MSR1: variants seen among roughly 807,000 people sequenced by gnomAD.
The protein encoded by MSR1 is macrophage scavenger receptor types I and II.
MSR1 carries 53 observed loss-of-function variants against 47.2 expected under a neutral mutation model. The observed-to-expected ratio is 1.12, with a 90% CI of 0.90 to 1.41. MSR1 has a LOEUF of 1.41. MSR1 is among the 40% of genes most tolerant of loss of function. The probability of loss-of-function intolerance (pLI) is 0.00; values close to 1 mark genes in which losing one functional copy is unlikely to be tolerated. For synonymous variants in MSR1, 239 were observed against 185.6 expected (o/e 1.29, Z -2.34); for missense variants, 786 against 546.9 (o/e 1.44, Z -4.36).
chr8:16,139,535 A>G, intron 8 of MSR1: 1 of 984,538 alleles, frequency 1.0e-6, no homozygotes, highest in Non-Finnish European at 1.2e-6. Flanking sequence ...AAAGGAAAGA[A>G]GAGTTGTGAA....
At chr8:16,153,331 T>C (rs1321300817) in intron 6 of MSR1, among the ~76,000 whole-genome samples, 1 of 151,992 alleles carries the variant, frequency 6.6e-6, no homozygotes, top group Non-Finnish European at 1.5e-5. Context: ...CATCCAGAAA[T>C]AATTCATTAG....
intron 2 of MSR1, 90 bp downstream of exon 2, chr8:16,177,796 C>T (rs1801694555): frequency 2.0e-6 from 2 of 987,760 alleles, no homozygotes; most frequent in Non-Finnish European, 3.2e-6. Context: ...CATCCACTTA[C>T]ATTTAAGGTA....
At chr8:16,159,159 C>T (rs375944050) in intron 5 of MSR1, among the ~76,000 whole-genome samples, 4 of 151,516 alleles carry the variant, frequency 2.6e-5, no homozygotes, top group Admixed American at 6.6e-5. Flanking sequence ...AATTCAAATG[C>T]CCTCAGTTGC....
intron 9 of MSR1, among the ~76,000 whole-genome samples, chr8:16,119,915 T>C (rs78598946): frequency 0.042 from 6,160 of 145,610 alleles, 200 homozygotes; most frequent in Middle Eastern, 0.097. Context: ...AGGATCTTAC[T>C]ATGTTGTCCA....
chr8:16,144,557 ATAATAG>A (rs1313647874), intron 7 of MSR1, among the ~76,000 whole-genome samples: 1 of 152,160 alleles, frequency 6.6e-6, no homozygotes, highest in Non-Finnish European at 1.5e-5. Flanking sequence ...CTTCAAAATA[ATAATAG>A]TAATAATTTA....
At chr8:16,149,828 CT>C (rs961516464) in intron 7 of MSR1, among the ~76,000 whole-genome samples, 12 of 151,198 alleles carry the variant, frequency 7.9e-5, no homozygotes, top group African/African-American at 2.4e-4. Flanking sequence ...CACTTTGCTT[CT>C]TTTTTTTTCT....
In MSR1 at chr8:16,164,208, T is replaced by C. The variant is rs1272753787; in HGVS notation, c.674A>G (p.Glu225Gly). ...TTGTTCTTCTTTCATAGCCATAATT[T>C]CTGCTGATACATTGTAAACACGCTC... Reference protein sequence around the residue: ...LEERVYNVSAEIMAMKEEQVH... With the variant: ...LEERVYNVSAGIMAMKEEQVH... The change falls in exon 5 of 10, where the codon GAA (glutamate) becomes GGA (glycine). Residue 225 changes from glutamate to glycine, a missense_variant. Physicochemically the swap from Glu to Gly is moderately conservative, Grantham distance 98. Coordinates refer to ENST00000262101, the MANE Select transcript of MSR1 (RefSeq NM_138715.3). 1 of 1,612,288 alleles carries C rather than the reference T, an allele frequency of 6.2e-7. No individual in the cohort carries two copies. The highest frequency in any genetic ancestry group is 8.5e-7 in the Non-Finnish European group (1 of 1,179,108).
At position 16,155,149 on chromosome 8, in the gene MSR1, A is replaced by T. The variant is rs770786939; in HGVS notation, c.818-5T>A. 1.9e-6 allele frequency: 3 copies of T among 1,607,776 alleles called. No individual in the cohort carries two copies. The highest frequency in any genetic ancestry group is 1.1e-5 in the South Asian group (1 of 90,792). Reference sequence around the variant, plus strand: ...CACCCGGGGGTCCAGGAGGACCTTTAAAAAAATTACAGTTACTGATCATAG... The same window carrying T: ...CACCCGGGGGTCCAGGAGGACCTTTTAAAAAATTACAGTTACTGATCATAG... On this transcript the variant is annotated splice_region_variant and splice_polypyrimidine_tract_variant and intron_variant, in intron 5 of 9. Coordinates refer to ENST00000262101, the MANE Select transcript of MSR1 (RefSeq NM_138715.3).
chr8:16,120,136 A>G lies in MSR1; in HGVS notation c.1222+282T>C, dbSNP rs1799963574. 2.0e-5 allele frequency among the ~76,000 whole-genome samples: 3 copies of G among 151,838 alleles called. No individual in the cohort carries two copies. The South Asian group carries it at 6.2e-4, about 32-fold the overall frequency. On this transcript the variant is annotated intron_variant, in intron 9 of 9. Transcript: ENST00000262101. Reference sequence around the variant, plus strand: ...CTCTCGCCTGTAATCCCAGCACTTTAGGTTGGCGAGGCGGGCAGATCACGA... The same window carrying G: ...CTCTCGCCTGTAATCCCAGCACTTTGGGTTGGCGAGGCGGGCAGATCACGA...
At chr8:16,110,497 A>C (rs1799733470) in intron 9 of MSR1, among the ~76,000 whole-genome samples, 1 of 152,122 alleles carries the variant, frequency 6.6e-6, no homozygotes, top group Non-Finnish European at 1.5e-5. Context: ...ATGTTTTTTT[A>C]AGGATTTGAC....
At chr8:16,115,685 C>T (rs930872116) in intron 9 of MSR1, among the ~76,000 whole-genome samples, 1 of 152,018 alleles carries the variant, frequency 6.6e-6, no homozygotes, top group African/African-American at 2.4e-5. Context: ...GTGGAAACAA[C>T]AGCTAAGTCA....
At chr8:16,148,912 G>C (rs1052391601) in intron 7 of MSR1, among the ~76,000 whole-genome samples, 4 of 152,128 alleles carry the variant, frequency 2.6e-5, no homozygotes, top group African/African-American at 9.7e-5. Context: ...ATATTGCTAA[G>C]TGAAAGAAGC....
In MSR1 at chr8:16,118,467, G is replaced by T. The variant is rs150710487; in HGVS notation, c.1222+1951C>A. Among the ~76,000 whole-genome samples the T allele has an allele frequency of 3.2e-3, 485 of 152,252 alleles. 7 individuals are homozygous for T. The highest frequency in any genetic ancestry group is 0.01 in the African/African-American group (427 of 41,546). On this transcript the variant is annotated intron_variant, in intron 9 of 9. Coordinates refer to ENST00000262101, the MANE Select transcript of MSR1 (RefSeq NM_138715.3). ...AATTTGGAAACGTGGGCTGGGTGGC[G>T]TGGCTCACACCTGTAATCCCAGCAC...
rs1799693186 is a variant in MSR1 at position 16,108,898 on chromosome 8, T to TA, written c.*1186dup. The TA allele has an allele frequency of 1.3e-5, 2 of 152,126 alleles. No homozygotes were observed. Among genetic ancestry groups the TA allele is most frequent in the Admixed American group, 6.5e-5 (1 of 15,270 alleles). 9.4% of individuals were successfully genotyped at this position (152,126 alleles called of 1,614,324 possible). A position where few individuals can be genotyped will look rare whatever the true frequency, so the allele number is the denominator to read the frequency against. ...CAGTAGAGTAATTCCATAATAGTACTAGTTTACAATTACTTTTTTTGTGAA... is the reference window on the plus strand; with the variant it reads ...CAGTAGAGTAATTCCATAATAGTACTAAGTTTACAATTACTTTTTTTGTGAA... On this transcript the variant is annotated 3_prime_UTR_variant, in exon 10 of 10. Transcript: ENST00000262101.
At chr8:16,114,818 T>A (rs770045931) in intron 9 of MSR1, among the ~76,000 whole-genome samples, 3 of 152,062 alleles carry the variant, frequency 2.0e-5, no homozygotes, top group Non-Finnish European at 1.5e-5. Flanking sequence ...CAGAAAAAAA[T>A]ATGTGGAGAC....
chr8:16,157,790 C>T (rs971007595), intron 5 of MSR1, among the ~76,000 whole-genome samples: 4 of 152,058 alleles, frequency 2.6e-5, no homozygotes, highest in Admixed American at 1.3e-4. Flanking sequence ...CATCACACAG[C>T]TGGACTATTG....
chr8:16,128,877 C>T (rs184330911), intron 8 of MSR1, among the ~76,000 whole-genome samples: 10 of 152,044 alleles, frequency 6.6e-5, no homozygotes, highest in Admixed American at 2.6e-4. Flanking sequence ...TGTTTTAATA[C>T]GTTAATAATA....
At chr8:16,126,209 G>T (rs557514185) in intron 8 of MSR1, among the ~76,000 whole-genome samples, 2 of 152,114 alleles carry the variant, frequency 1.3e-5, no homozygotes, top group Admixed American at 1.3e-4. Flanking sequence ...TCTATTCATC[G>T]CTGTTAGAAA....
intron 2 of MSR1, among the ~76,000 whole-genome samples, chr8:16,175,632 A>T (rs1011284594): frequency 6.6e-6 from 1 of 152,208 alleles, no homozygotes; most frequent in Non-Finnish European, 1.5e-5. Flanking sequence ...ATTTTATTCA[A>T]TGTTCATATG....
Sources: gnomAD v4.1 joint callset for allele counts (sites outside exome capture counted in the v4.1 genomes callset) on GRCh38, gnomAD v4.1.1 for gene constraint, MANE v1.5 for transcripts, NCBI Gene and HGNC (gene_info 2026-07-23, HGNC 2026-07-21) for gene names.